The following COL21A1 variants were observed in gnomAD, a reference collection of about 807,000 sequenced individuals.
COL21A1 encodes collagen alpha-1(XXI) chain.
In COL21A1, 149 loss-of-function variants were observed where a neutral mutation model predicts 137.9. The observed-to-expected ratio is 1.08, with a 90% confidence interval of 0.95 to 1.24. The LOEUF is 1.24. Among genes scored for constraint, COL21A1 ranks in the 50% most tolerant of loss-of-function variants. The pLI is 0.00. For synonymous variants in COL21A1, 456 were observed against 391.5 expected, an observed-to-expected ratio of 1.16 and a Z score of -1.95; for missense variants, 1,167 against 1,158.4, an observed-to-expected ratio of 1.01 and a Z score of -0.11.
chr6:56,253,019 A>G (rs1410864716), intron 1 of COL21A1, among the ~76,000 whole-genome samples: 2 of 152,194 alleles, frequency 1.3e-5, no homozygotes, highest in South Asian at 2.1e-4. Flanking sequence ...GATATGACCT[A>G]TGTATTCTAT....
chr6:56,244,373 T>TGA (rs1403184502), intron 1 of COL21A1, among the ~76,000 whole-genome samples: 2 of 152,164 alleles, frequency 1.3e-5, no homozygotes, highest in Non-Finnish European at 2.9e-5. Context: ...ACACAGCATT[T>TGA]GATTACTGAG....
intron 1 of COL21A1, among the ~76,000 whole-genome samples, chr6:56,343,314 T>C (rs1765511892): frequency 6.6e-6 from 1 of 152,198 alleles, no homozygotes; most frequent in African/African-American, 2.4e-5. Flanking sequence ...GCAGTTTACC[T>C]GAGCAAGGTA....
intron 1 of COL21A1, among the ~76,000 whole-genome samples, chr6:56,344,932 A>C (rs1246894092): frequency 6.6e-6 from 1 of 152,126 alleles, no homozygotes; most frequent in Non-Finnish European, 1.5e-5. Flanking sequence ...GAGCCAATTA[A>C]ATCTCTTTTC....
intron 1 of COL21A1, among the ~76,000 whole-genome samples, chr6:56,335,201 T>G (rs1765310197): frequency 6.6e-6 from 1 of 152,148 alleles, no homozygotes; most frequent in African/African-American, 2.4e-5. Flanking sequence ...CAGTCAGAAC[T>G]TCCTCTCTCT....
chr6:56,377,188 AC>A (rs2094000914), intron 1 of COL21A1, among the ~76,000 whole-genome samples: 1 of 152,006 alleles, frequency 6.6e-6, no homozygotes, highest in Non-Finnish European at 1.5e-5. Flanking sequence ...ACGGGGTTTC[AC>A]CATGCTGGCC....
intron 1 of COL21A1, among the ~76,000 whole-genome samples, chr6:56,369,103 A>G (rs1216515315): frequency 1.3e-5 from 2 of 152,104 alleles, no homozygotes; most frequent in Non-Finnish European, 2.9e-5. Context: ...TCGAGAACCA[A>G]TTGTTTTGGT....
chr6:56,161,717 A>T (rs1405124348), intron 9 of COL21A1, among the ~76,000 whole-genome samples: 1 of 152,206 alleles, frequency 6.6e-6, no homozygotes, highest in Non-Finnish European at 1.5e-5. Flanking sequence ...GTCTAGTGAC[A>T]GATAATTTTT....
At chr6:56,243,205 A>T (rs945863096) in intron 1 of COL21A1, among the ~76,000 whole-genome samples, 1 of 152,068 alleles carries the variant, frequency 6.6e-6, no homozygotes, top group Non-Finnish European at 1.5e-5. Context: ...TGATTACTTT[A>T]CTCTTTTCAC....
In COL21A1 at chr6:56,223,043, A is replaced by C. The variant is rs556369968; in HGVS notation, c.-39+24344T>G. ...GAGATATCCACATTCTATTCAGAAC[A>C]AAAAAAAAAAAATTGGAATCCCTGG... On this transcript the variant is annotated intron_variant, in intron 1 of 29. Coordinates refer to ENST00000244728, the MANE Select transcript of COL21A1 (RefSeq NM_030820.4). Among the ~76,000 whole-genome samples the C allele has an allele frequency of 3.3e-3, 27 of 8,106 alleles. No individual in the cohort carries two copies. In the African/African-American group the frequency reaches 0.09, roughly 27 times the overall value. The allele number at this position is 8,106 out of a possible 152,430, so 5.3% of individuals were successfully genotyped here. A position where few individuals can be genotyped will look rare whatever the true frequency, so the allele number is the denominator to read the frequency against.
chr6:56,280,014 C>T (rs1334419090), intron 1 of COL21A1, among the ~76,000 whole-genome samples: 1 of 152,304 alleles, frequency 6.6e-6, no homozygotes, highest in East Asian at 1.9e-4. Context: ...CACATACAGA[C>T]ACACACAGAA....
chr6:56,072,809 A>G (rs1766869737), intron 20 of COL21A1, among the ~76,000 whole-genome samples: 1 of 151,646 alleles, frequency 6.6e-6, no homozygotes, highest in Non-Finnish European at 1.5e-5. Context: ...GAAAAAAATT[A>G]AAATATTTTA....
chr6:56,287,116 T>C (rs1158117934), intron 1 of COL21A1, among the ~76,000 whole-genome samples: 5 of 152,174 alleles, frequency 3.3e-5, no homozygotes, highest in Non-Finnish European at 7.4e-5. Context: ...AATCCTCTCA[T>C]TGAGGCTAAA....
intron 1 of COL21A1, among the ~76,000 whole-genome samples, chr6:56,194,909 T>C (rs997269477): frequency 8.5e-5 from 13 of 152,194 alleles, no homozygotes; most frequent in Admixed American, 7.9e-4. Flanking sequence ...GGTGATTGGG[T>C]CATGAGGGCT....
intron 17 of COL21A1, among the ~76,000 whole-genome samples, chr6:56,098,056 T>C (rs1289588466): frequency 1.7e-3 from 7 of 4,134 alleles, no homozygotes; most frequent in African/African-American, 7.0e-3. Flanking sequence ...TATATAAATA[T>C]ATATAAATAT....
chr6:56,338,233 G>A (rs962898810), intron 1 of COL21A1, among the ~76,000 whole-genome samples: 2 of 151,974 alleles, frequency 1.3e-5, no homozygotes, highest in Non-Finnish European at 2.9e-5. Flanking sequence ...CAAAGCACTG[G>A]GATTACAGGC....
intron 10 of COL21A1, among the ~76,000 whole-genome samples, chr6:56,143,480 G>A (rs60739862): frequency 0.15 from 22,989 of 151,916 alleles, 1,775 homozygotes; most frequent in Middle Eastern, 0.23. Flanking sequence ...GATTACAGGC[G>A]TGAGCCACTG....
chr6:56,251,121 A>T (rs1318242983), upstream of COL21A1, among the ~76,000 whole-genome samples: 1 of 152,190 alleles, frequency 6.6e-6, no homozygotes, highest in East Asian at 1.9e-4. Flanking sequence ...AAGATAGAAG[A>T]TGCTGTTACA....
chr6:56,373,283 T>C (rs534896818), intron 1 of COL21A1, among the ~76,000 whole-genome samples: 5 of 152,370 alleles, frequency 3.3e-5, no homozygotes, highest in African/African-American at 1.2e-4. Context: ...ACTAATAAGC[T>C]ATTTTAAAAA....
chr6:56,340,546 AAGGACT>A (rs921898462), intron 1 of COL21A1, among the ~76,000 whole-genome samples: 2 of 152,140 alleles, frequency 1.3e-5, no homozygotes, highest in African/African-American at 4.8e-5. Context: ...AGCTAGGTCT[AAGGACT>A]AGTGGAATAT....
Sources: allele counts gnomAD v4.1 joint callset (sites outside exome capture counted in the v4.1 genomes callset), GRCh38; gene constraint gnomAD v4.1.1; transcripts MANE v1.5; gene names NCBI Gene and HGNC (gene_info 2026-07-23, HGNC 2026-07-21).